Variants in UGT1A10 observed in about 807,000 individuals in gnomAD.
UGT1A10 encodes UDP glucuronosyltransferase family 1 member A10, also known as UDP-glucuronosyltransferase 1A10.
Under a neutral mutation model 45.8 loss-of-function variants are expected in UGT1A10, and 49 were observed. The ratio of observed to expected loss-of-function variants is 1.07; its 90% CI spans 0.85 to 1.36. UGT1A10 has a LOEUF of 1.36. Among genes scored for constraint, UGT1A10 ranks in the 40% most tolerant of loss-of-function variants. UGT1A10 has a pLI of 0.00. For synonymous variants in UGT1A10, 284 were observed against 249.7 expected (o/e 1.14, Z -1.29); for missense variants, 745 against 668.6 (o/e 1.11, Z -1.26).
At chr2:233,679,383 T>A (rs867233358) in intron 1 of UGT1A10, among the ~76,000 whole-genome samples, 1 of 152,196 alleles carries the variant, frequency 6.6e-6, no homozygotes, top group Non-Finnish European at 1.5e-5. Flanking sequence ...AGTGTTGATC[T>A]TTTCCTTTCA....
At position 233,637,157 on chromosome 2, in the gene UGT1A10, T is replaced by A. The variant is rs769793401; in HGVS notation, c.635T>A (p.Val212Glu). The part of the protein sequence containing the change: ...TFKERVWNHI[V>E]HLEDHLFCQY... ...AAGGAGAGAGTATGGAACCACATCG[T>A]GCACTTGGAGGACCATTTATTTTGC... is the stretch of plus-strand genomic sequence containing the variant. Residue 212 changes from valine (V) to glutamate (E), a missense_variant, in exon 1 of 5, where the codon GTG becomes GAG. Coordinates refer to ENST00000344644, the MANE Select transcript of UGT1A10 (RefSeq NM_019075.4). The A allele has an allele frequency of 5.6e-6, 9 of 1,613,964 alleles. No individual in the cohort carries two copies. Among genetic ancestry groups the A allele is most frequent in the Non-Finnish European group, 7.6e-6 (9 of 1,179,858 alleles).
intron 1 of UGT1A10, chr2:233,743,659 G>A (rs1692418215): frequency 1.5e-6 from 2 of 1,367,268 alleles, no homozygotes; most frequent in Non-Finnish European, 2.0e-6. Context: ...CGTACTCGAA[G>A]GGGTCCTCGA....
intron 1 of UGT1A10, chr2:233,729,523 C>T (rs753472390): frequency 6.2e-7 from 1 of 1,614,202 alleles, no homozygotes; most frequent in Non-Finnish European, 8.5e-7. Context: ...GGAGCTACTA[C>T]ATAATGAGGC....
chr2:233,748,845 C>A (rs936990961), intron 1 of UGT1A10, among the ~76,000 whole-genome samples: 1 of 151,120 alleles, frequency 6.6e-6, no homozygotes, highest in South Asian at 2.1e-4. Context: ...AAACTGTGAG[C>A]GTATAAGCCC....
chr2:233,636,611 T>C lies in UGT1A10; in HGVS notation c.89T>C (p.Val30Ala). The change falls in exon 1 of 5, where the codon GTA becomes GCA. Residue 30 changes from valine to alanine, a missense_variant. Coordinates refer to ENST00000344644, the MANE Select transcript of UGT1A10 (RefSeq NM_019075.4). ...CGFAEAGKLL[V>A]VPMDGSHWFT... ...TTTGCCGAGGCAGGGAAGCTGCTGG[T>C]AGTGCCCATGGATGGGAGTCACTGG... 1 of 1,614,166 alleles carries C rather than the reference T, an allele frequency of 6.2e-7. No individual in the cohort carries two copies.
chr2:233,710,147 T>C (rs2076113994), intron 1 of UGT1A10, among the ~76,000 whole-genome samples: 1 of 152,240 alleles, frequency 6.6e-6, no homozygotes, highest in South Asian at 2.1e-4. Context: ...TATAGATATA[T>C]CATCATTTGC....
intron 1 of UGT1A10, among the ~76,000 whole-genome samples, chr2:233,655,053 C>T (rs1464630053): frequency 8.6e-5 from 13 of 151,984 alleles, no homozygotes; most frequent in Non-Finnish European, 1.5e-4. Context: ...CATACCACTG[C>T]ACTCCAGCCT....
rs190570057 is a variant in UGT1A10, at chr2:233,713,150, G to A, written c.856-53884G>A. On this transcript the variant is annotated intron_variant, in intron 1 of 4. Coordinates refer to ENST00000344644, the MANE Select transcript of UGT1A10 (RefSeq NM_019075.4). Reference sequence around the variant, plus strand: ...GGGAGGCCTTGCGGGACCTCCATGCGAGAGGCCACCAGGTGGTGGTCCTCA... The same window carrying A: ...GGGAGGCCTTGCGGGACCTCCATGCAAGAGGCCACCAGGTGGTGGTCCTCA... The A allele has an allele frequency of 5.6e-6, 9 of 1,614,242 alleles. No individual in the cohort carries two copies. In the East Asian group the frequency reaches 8.9e-5, roughly 16 times the overall value.
chr2:233,675,155 C>A (rs1221259464), intron 1 of UGT1A10, among the ~76,000 whole-genome samples: 1 of 152,078 alleles, frequency 6.6e-6, no homozygotes, highest in East Asian at 1.9e-4. Context: ...GGAATTACAT[C>A]CAGGGATGTA....
intron 1 of UGT1A10, chr2:233,747,330 C>A (rs896598113): frequency 4.4e-6 from 7 of 1,603,408 alleles, no homozygotes; most frequent in Non-Finnish European, 6.0e-6. Context: ...TTGATGGCAG[C>A]CACTGGCTCG....
intron 1 of UGT1A10, among the ~76,000 whole-genome samples, chr2:233,652,759 C>G (rs949631206): frequency 1.2e-4 from 19 of 152,178 alleles, no homozygotes. Flanking sequence ...GAGACAGCTG[C>G]ATATCCACAT....
intron 4 of UGT1A10, chr2:233,770,334 G>T (rs1260169235): frequency 6.6e-6 from 1 of 152,106 alleles, no homozygotes; most frequent in East Asian, 1.9e-4. Flanking sequence ...GGCCATAATA[G>T]GTGCTCAATT....
At chr2:233,645,348 C>T (rs1042232784) in intron 1 of UGT1A10, among the ~76,000 whole-genome samples, 1 of 152,148 alleles carries the variant, frequency 6.6e-6, no homozygotes, top group African/African-American at 2.4e-5. Flanking sequence ...TGATTCCACC[C>T]TGGTCCCTCC....
At chr2:233,643,875 G>C (rs536706700) in intron 1 of UGT1A10, among the ~76,000 whole-genome samples, 1 of 152,278 alleles carries the variant, frequency 6.6e-6, no homozygotes, top group South Asian at 2.1e-4. Flanking sequence ...GGGGCCTCAT[G>C]ATTCTGACCA....
intron 1 of UGT1A10, among the ~76,000 whole-genome samples, chr2:233,746,138 G>C (rs1315448671): frequency 6.6e-6 from 1 of 151,886 alleles, no homozygotes; most frequent in African/African-American, 2.4e-5. Context: ...ACTGGCACCT[G>C]AGTGATAGCA....
intron 1 of UGT1A10, among the ~76,000 whole-genome samples, chr2:233,723,358 C>T (rs1313054035): frequency 2.4e-4 from 30 of 124,194 alleles, no homozygotes; most frequent in African/African-American, 9.2e-4. Flanking sequence ...TACAGGCACA[C>T]GTCACCACAC....
chr2:233,767,452 A>G (rs1559414101), intron 2 of UGT1A10, among the ~76,000 whole-genome samples: 1 of 152,230 alleles, frequency 6.6e-6, no homozygotes, highest in Non-Finnish European at 1.5e-5. Context: ...AATAAAATAA[A>G]TGGGATATTG....
In UGT1A10 at chr2:233,767,782, A is replaced by G. The variant is rs1404728252; in HGVS notation, c.988-67A>G. The G allele has an allele frequency of 3.7e-6, 6 of 1,613,376 alleles. No individual in the cohort carries two copies. In the African/African-American group the frequency reaches 4.0e-5, roughly 11 times the overall value. ...AGAGGACCCCTGTTTTCTAGTTAGT[A>G]TAGCAGATTTGTTTTCTAATCATAT... is the stretch of plus-strand genomic sequence containing the variant. On this transcript the variant is annotated intron_variant, in intron 2 of 4. Coordinates refer to ENST00000344644, the MANE Select transcript of UGT1A10 (RefSeq NM_019075.4).
intron 1 of UGT1A10, chr2:233,672,501 T>C (rs373933295): frequency 3.0e-5 from 49 of 1,613,992 alleles, no homozygotes; most frequent in Non-Finnish European, 4.2e-5. Flanking sequence ...CTCTTTCCTA[T>C]GTCCCCAGAA....
Sources: gnomAD v4.1 joint callset for allele counts (sites outside exome capture counted in the v4.1 genomes callset) on GRCh38, gnomAD v4.1.1 for gene constraint, MANE v1.5 for transcripts, NCBI Gene and HGNC (gene_info 2026-07-23, HGNC 2026-07-21) for gene names.